The following ITPR2 variants were observed in gnomAD, a reference collection of about 807,000 sequenced individuals.
The protein encoded by ITPR2 is inositol 1,4,5-trisphosphate-gated calcium channel ITPR2.
Under a neutral mutation model 317.1 loss-of-function variants are expected in ITPR2, and 207 were observed. That is an observed-to-expected ratio of 0.65 (90% CI 0.58 to 0.73). ITPR2 has a LOEUF of 0.73. Among genes scored for constraint, ITPR2 ranks in the 30% least tolerant of loss-of-function variants. The probability of loss-of-function intolerance (pLI) is 0.00; values close to 1 mark genes in which losing one functional copy is unlikely to be tolerated. For synonymous variants in ITPR2, 1,156 were observed against 1,149.1 expected, an observed-to-expected ratio of 1.01 and a Z score of -0.12; for missense variants, 2,613 against 3,284.0, an observed-to-expected ratio of 0.80 and a Z score of 4.99.
intron 2 of ITPR2, among the ~76,000 whole-genome samples, chr12:26,765,434 G>A (rs1233074648): frequency 1.3e-5 from 2 of 152,056 alleles, no homozygotes; most frequent in Non-Finnish European, 2.9e-5. Context: ...CAGCTCTCTA[G>A]AAAGTGTACC....
chr12:26,478,662 A>G (rs975292154), intron 43 of ITPR2, among the ~76,000 whole-genome samples: 2 of 152,214 alleles, frequency 1.3e-5, no homozygotes, highest in African/African-American at 4.8e-5. Flanking sequence ...AATTGATAGT[A>G]TAAGAGTCTA....
At chr12:26,624,744 C>T (rs1300559997) in intron 23 of ITPR2, among the ~76,000 whole-genome samples, 1 of 140,306 alleles carries the variant, frequency 7.1e-6, no homozygotes, top group African/African-American at 2.7e-5. Flanking sequence ...TAAATTAGTA[C>T]AACTGCTATG....
At chr12:26,739,362 C>T (rs1949190612) in intron 2 of ITPR2, among the ~76,000 whole-genome samples, 1 of 152,204 alleles carries the variant, frequency 6.6e-6, no homozygotes, top group Non-Finnish European at 1.5e-5. Flanking sequence ...CAAATGTCCA[C>T]CTACATTATT....
At chr12:26,602,787 AT>A in intron 26 of ITPR2, 81 bp from the exon 27 acceptor site, 1 of 571,970 alleles carries the variant, frequency 1.7e-6, no homozygotes, top group East Asian at 3.4e-5. Flanking sequence ...AATAATAAAT[AT>A]ATTTTGTAAT....
chr12:26,345,819 T>C (rs1043060169), intron 55 of ITPR2, among the ~76,000 whole-genome samples: 2 of 152,178 alleles, frequency 1.3e-5, no homozygotes, highest in East Asian at 3.9e-4. Context: ...AGATACTAGT[T>C]AACAGGACAC....
chr12:26,387,844 A>G (rs532395246), intron 54 of ITPR2, among the ~76,000 whole-genome samples: 4 of 152,358 alleles, frequency 2.6e-5, no homozygotes, highest in African/African-American at 9.6e-5. Context: ...GTCCTGTAAT[A>G]GATGAAAAAG....
chr12:26,619,841 G>A (rs189272587), intron 26 of ITPR2, among the ~76,000 whole-genome samples: 1 of 152,204 alleles, frequency 6.6e-6, no homozygotes, highest in African/African-American at 2.4e-5. Context: ...CGTGCATAGG[G>A]TTTCCTCATT....
chr12:26,764,556 A>G (rs902311534), intron 2 of ITPR2, among the ~76,000 whole-genome samples: 2 of 152,088 alleles, frequency 1.3e-5, no homozygotes, highest in African/African-American at 2.4e-5. Context: ...ACTGTGCAAC[A>G]AGTATACTTA....
At chr12:26,470,608 T>G (rs1345207241) in intron 45 of ITPR2, among the ~76,000 whole-genome samples, 1 of 152,216 alleles carries the variant, frequency 6.6e-6, no homozygotes, top group Admixed American at 6.5e-5. Context: ...TGATTCTCCT[T>G]TCATCTATCA....
At chr12:26,445,944 A>C (rs1034838566) in intron 45 of ITPR2, among the ~76,000 whole-genome samples, 2 of 152,130 alleles carry the variant, frequency 1.3e-5, no homozygotes, top group Admixed American at 6.6e-5. Context: ...ACTAGGTGAG[A>C]GTGGAATGAT....
chr12:26,453,828 C>A (rs1197080156), intron 45 of ITPR2, among the ~76,000 whole-genome samples: 1 of 152,160 alleles, frequency 6.6e-6, no homozygotes, highest in Non-Finnish European at 1.5e-5. Context: ...GAATCTTTCT[C>A]CATGATAATT....
chr12:26,471,945 T>C (rs981899762), intron 45 of ITPR2, among the ~76,000 whole-genome samples: 15 of 152,320 alleles, frequency 9.8e-5, no homozygotes, highest in East Asian at 5.8e-4. Flanking sequence ...TGGAGGACAA[T>C]AGATTCATGA....
At chr12:26,772,478 A>ATAATATATATAATACATGTATT (rs58056683) in intron 2 of ITPR2, among the ~76,000 whole-genome samples, 10 of 80,634 alleles carry the variant, frequency 1.2e-4, no homozygotes, top group Non-Finnish European at 3.0e-4. Flanking sequence ...TATTATATAT[A>ATAATATATATAATACATGTATT]ATATATATAA....
At chr12:26,624,682 G>C (rs1946580302) in intron 23 of ITPR2, among the ~76,000 whole-genome samples, 1 of 151,858 alleles carries the variant, frequency 6.6e-6, no homozygotes, top group African/African-American at 2.4e-5. Flanking sequence ...AATAATAAAT[G>C]CTGGTGAGAA....
rs533406952 is a variant in ITPR2, at chr12:26,532,222, T to C, written c.5073+18025A>G. Among the ~76,000 whole-genome samples, 8 of 152,340 alleles carry C rather than the reference T, an allele frequency of 5.3e-5. No homozygotes were observed. In the South Asian group the frequency reaches 1.4e-3, roughly 28 times the overall value. ...GTGTTCTTGTTTGTGTTATGTTCCG[T>C]AAAATTCACTCTATCTTTAGGTAGA... On this transcript the variant is annotated intron_variant, in intron 37 of 56. Coordinates refer to ENST00000381340, the MANE Select transcript of ITPR2 (RefSeq NM_002223.4).
intron 26 of ITPR2, among the ~76,000 whole-genome samples, chr12:26,620,540 T>C (rs16931090): frequency 0.031 from 4,797 of 152,298 alleles, 276 homozygotes; most frequent in African/African-American, 0.11. Flanking sequence ...TAAAGCAGTA[T>C]TTAACATTTT....
chr12:26,443,623 G>A lies in ITPR2; in HGVS notation c.6370C>T (p.Gln2124Ter). The A allele has an allele frequency of 6.2e-7, 1 of 1,613,000 alleles. No individual in the cohort carries two copies. The highest frequency in any genetic ancestry group is 8.5e-7 in the Non-Finnish European group (1 of 1,179,196). Residue 2124 changes from glutamine to a stop codon, truncating the protein, a stop_gained, in exon 46 of 57, where the codon CAG (glutamine) becomes TAG (stop). Coordinates refer to ENST00000381340, the MANE Select transcript of ITPR2 (RefSeq NM_002223.4). LOFTEE classifies it high-confidence loss of function. ...QLARHNKLLQ[Q>*]MLKPGSDPDE... Reference sequence around the variant, plus strand: ...GGATCCGATCCTGGTTTGAGCATCTGCTGCAACAGTTTATTGTGGCGGGCC... The same window carrying A: ...GGATCCGATCCTGGTTTGAGCATCTACTGCAACAGTTTATTGTGGCGGGCC...
At chr12:26,416,686 C>T (rs1295619794) in intron 50 of ITPR2, among the ~76,000 whole-genome samples, 1 of 152,142 alleles carries the variant, frequency 6.6e-6, no homozygotes, top group African/African-American at 2.4e-5. Flanking sequence ...CTATTTACCT[C>T]CTGGAAGGAG....
intron 26 of ITPR2, among the ~76,000 whole-genome samples, chr12:26,613,650 G>T (rs1946319204): frequency 6.6e-6 from 1 of 152,052 alleles, no homozygotes; most frequent in South Asian, 2.1e-4. Context: ...AGAGACCCTG[G>T]CATAGAGTCA....
Sources: allele counts gnomAD v4.1 joint callset (sites outside exome capture counted in the v4.1 genomes callset), GRCh38; gene constraint gnomAD v4.1.1; transcripts MANE v1.5; gene names NCBI Gene and HGNC (gene_info 2026-07-23, HGNC 2026-07-21).